CAND2: variants seen among roughly 807,000 people sequenced by gnomAD.
CAND2 encodes cullin associated and neddylation dissociated 2 (putative), also known as cullin-associated NEDD8-dissociated protein 2.
CAND2 carries 62 observed loss-of-function variants against 98.9 expected under a neutral mutation model. The ratio of observed to expected loss-of-function variants is 0.63; its 90% CI spans 0.51 to 0.77. CAND2 has a LOEUF of 0.77. Among genes scored for constraint, CAND2 ranks in the 30% least tolerant of loss-of-function variants. The pLI is 0.00. For missense variants in CAND2, 1,501 were observed against 1,655.2 expected (o/e 0.91, Z 1.62); for synonymous variants, 770 against 731.9 (o/e 1.05, Z -0.84).
chr3:12,834,239 G>T lies in CAND2; in HGVS notation c.*257G>T. On this transcript the variant is annotated 3_prime_UTR_variant, in exon 15 of 15. Transcript: ENST00000456430. ...TCATCCAAAGAAATAGGGTGAGGAA[G>T]TTTTCCAGTGACTTCACACTGTACC... The T allele has an allele frequency of 1.9e-6, 1 of 513,362 alleles. No individual in the cohort carries two copies. Among genetic ancestry groups the T allele is most frequent in the Non-Finnish European group, 3.5e-6 (1 of 282,612 alleles). The allele number at this position is 513,362 out of a possible 1,614,324, so 31.8% of individuals were successfully genotyped here.
rs998870481 is a variant in CAND2, at chr3:12,815,656, C to G, written c.1300-211C>G. Reference sequence around the variant, plus strand: ...GAGCAAGTTGCTTGGTCTCTCTGTACCTGTAAAATGGACGCAGAAAATTTG... The same window carrying G: ...GAGCAAGTTGCTTGGTCTCTCTGTAGCTGTAAAATGGACGCAGAAAATTTG... On this transcript the variant is annotated intron_variant, in intron 8 of 14. Transcript: ENST00000456430. This position sits in a 1 kb window ranked among gnomAD's most constrained non-coding sequence, Gnocchi z 5.7. 1.3e-5 allele frequency among the ~76,000 whole-genome samples: 2 copies of G among 152,146 alleles called. No homozygotes were observed. Among genetic ancestry groups the G allele is most frequent in the African/African-American group, 4.8e-5 (2 of 41,436 alleles).
intron 1 of CAND2, among the ~76,000 whole-genome samples, chr3:12,801,536 C>A (rs2061767145): frequency 6.6e-6 from 1 of 152,232 alleles, no homozygotes; most frequent in Admixed American, 6.5e-5. Context: ...CCAGCCTCAA[C>A]TTTCCGTGGC....
In CAND2 at chr3:12,817,319, T is replaced by G; in HGVS notation, c.2387T>G (p.Leu796Arg). ...YEQAVDGGPGLHKQVFHSLAR... is the reference protein window; with the variant it reads ...YEQAVDGGPGRHKQVFHSLAR... ...CAGGCTGTGGATGGTGGGCCTGGCCTGCACAAGCAGGTGTTCCACTCATTG... is the reference window on the plus strand; with the variant it reads ...CAGGCTGTGGATGGTGGGCCTGGCCGGCACAAGCAGGTGTTCCACTCATTG... Residue 796 changes from leucine to arginine, a missense_variant, in exon 10 of 15, where the codon CTG becomes CGG. Coordinates refer to ENST00000456430, the MANE Select transcript of CAND2 (RefSeq NM_001162499.2). 1 of 1,613,926 alleles carries G rather than the reference T, an allele frequency of 6.2e-7. No homozygotes were observed. Among genetic ancestry groups the G allele is most frequent in the Non-Finnish European group, 8.5e-7 (1 of 1,180,012 alleles).
intron 11 of CAND2, among the ~76,000 whole-genome samples, chr3:12,820,490 G>A (rs1307028132): frequency 6.6e-6 from 1 of 152,232 alleles, no homozygotes; most frequent in Non-Finnish European, 1.5e-5. Context: ...AAGCCCATGG[G>A]CAACTGAGGG....
At chr3:12,800,303 G>A (rs2061756506) in intron 1 of CAND2, among the ~76,000 whole-genome samples, 1 of 152,216 alleles carries the variant, frequency 6.6e-6, no homozygotes, top group Non-Finnish European at 1.5e-5. Flanking sequence ...ACTGTGGGCT[G>A]CAGTGACATC....
intron 1 of CAND2, among the ~76,000 whole-genome samples, chr3:12,797,087 C>A (rs1276935807): frequency 6.6e-6 from 1 of 151,782 alleles, no homozygotes; most frequent in African/African-American, 2.4e-5. Context: ...CCCGGCTCCA[C>A]CCCTCTGCAC....
chr3:12,827,042 A>G (rs1169634817), intron 12 of CAND2, among the ~76,000 whole-genome samples: 1 of 152,038 alleles, frequency 6.6e-6, no homozygotes, highest in Non-Finnish European at 1.5e-5. Context: ...CATGTTAGCC[A>G]GGATGGCCTC....
chr3:12,820,004 G>T (rs1031880708), intron 10 of CAND2, 82 bp from the exon 11 acceptor site: 4 of 1,067,344 alleles, frequency 3.7e-6, no homozygotes, highest in East Asian at 2.4e-5. Flanking sequence ...GAAGCAGGGG[G>T]AGGAGCCTAA....
At chr3:12,800,991 G>A (rs920914226) in intron 1 of CAND2, among the ~76,000 whole-genome samples, 17 of 150,908 alleles carry the variant, frequency 1.1e-4, no homozygotes, top group African/African-American at 4.2e-4. Flanking sequence ...CCAAAGTGCT[G>A]GGATTGCAGG....
chr3:12,825,715 T>G, intron 12 of CAND2, 76 bp downstream of exon 12: 1 of 1,452,480 alleles, frequency 6.9e-7, no homozygotes, highest in Non-Finnish European at 9.4e-7. Context: ...AGGGCATTAT[T>G]ATCTCATCAG....
rs552360734 is a variant in CAND2, at chr3:12,827,400, C to T, written c.3211-40C>T. On this transcript the variant is annotated intron_variant, in intron 12 of 14. Coordinates refer to ENST00000456430, the MANE Select transcript of CAND2 (RefSeq NM_001162499.2). ...GCAGAAGCTAGAAGAGGTGTCCTTA[C>T]ACCCTGGGGCCATATCACCAACCTT... The T allele has an allele frequency of 2.7e-5, 42 of 1,580,476 alleles. No individual in the cohort carries two copies. In the South Asian group the frequency reaches 3.9e-4, roughly 15 times the overall value.
chr3:12,814,999 T>G, intron 7 of CAND2, 142 bp from the exon 8 acceptor site: 1 of 759,264 alleles, frequency 1.3e-6, no homozygotes, highest in Non-Finnish European at 2.1e-6. Context: ...TAGGGAATGT[T>G]CCCCATAGGG....
At chr3:12,814,656 A>C (rs942470769) in intron 7 of CAND2, among the ~76,000 whole-genome samples, 10 of 152,070 alleles carry the variant, frequency 6.6e-5, no homozygotes, top group Admixed American at 2.6e-4. Flanking sequence ...AGTCCCAGTA[A>C]ACGAAACATC....
At chr3:12,831,432 T>A in intron 13 of CAND2, 33 bp from the exon 14 acceptor site, 1 of 1,573,080 alleles carries the variant, frequency 6.4e-7, no homozygotes, top group Non-Finnish European at 8.7e-7. Flanking sequence ...TCCTGCACCA[T>A]TTCACTAAGA....
At position 12,825,699 on chromosome 3, in the gene CAND2, A is replaced by C. The variant is rs944058942; in HGVS notation, c.3210+60A>C. 4.8e-6 allele frequency: 7 copies of C among 1,448,468 alleles called. No individual in the cohort carries two copies. The African/African-American group carries it at 9.7e-5, about 20-fold the overall frequency. The allele number at this position is 1,448,468 out of a possible 1,614,324, so 89.7% of individuals were successfully genotyped here. A position where few individuals can be genotyped will look rare whatever the true frequency, so the allele number is the denominator to read the frequency against. On this transcript the variant is annotated intron_variant, in intron 12 of 14. Transcript: ENST00000456430. ...GGGGTGATGCCACCTCTCATGCCTC[A>C]CTGTTAGGGCATTATTATCTCATCA...
intron 12 of CAND2, among the ~76,000 whole-genome samples, chr3:12,826,938 C>A (rs1248672485): frequency 1.4e-5 from 2 of 142,218 alleles, no homozygotes; most frequent in Non-Finnish European, 3.0e-5. Context: ...TCAAGCAATT[C>A]TCCTGCCTCA....
intron 5 of CAND2, 135 bp from the exon 6 acceptor site, chr3:12,812,855 T>C (rs2061864209): frequency 1.6e-6 from 1 of 628,350 alleles, no homozygotes; most frequent in African/African-American, 1.8e-5. Flanking sequence ...AACCCACATT[T>C]GCTTGACTAT....
chr3:12,811,276 G>T (rs1008541540), intron 5 of CAND2, among the ~76,000 whole-genome samples: 3 of 152,208 alleles, frequency 2.0e-5, no homozygotes, highest in Admixed American at 1.3e-4. Flanking sequence ...GGAAACTCGG[G>T]TCCCCAGATA....
Position 12,807,425 on chromosome 3 carries a change from A to G in CAND2, c.332A>G (p.Lys111Arg). 1 of 1,551,710 alleles carries G rather than the reference A, an allele frequency of 6.4e-7. No homozygotes were observed. The highest frequency in any genetic ancestry group is 2.4e-5 in the East Asian group (1 of 40,922). Residue 111 changes from lysine (K) to arginine (R), a missense_variant, in exon 3 of 15, where the codon AAG becomes AGG. Coordinates refer to ENST00000456430, the MANE Select transcript of CAND2 (RefSeq NM_001162499.2). ...CGAGACATTGCCGGCATTGGCCTCAAGACCGTCCTCTCGGAGCTCCCTCCT... is the reference window on the plus strand; with the variant it reads ...CGAGACATTGCCGGCATTGGCCTCAGGACCGTCCTCTCGGAGCTCCCTCCT... ...QLRDIAGIGL[K>R]TVLSELPPAA...
Sources: gnomAD v4.1 joint callset for allele counts (sites outside exome capture counted in the v4.1 genomes callset) on GRCh38, gnomAD v4.1.1 for gene constraint, Gnocchi (gnomAD v3.1) non-coding constraint, MANE v1.5 for transcripts, NCBI Gene and HGNC (gene_info 2026-07-23, HGNC 2026-07-21) for gene names.